MICU2: variants seen among roughly 807,000 people sequenced by gnomAD.
MICU2 encodes calcium uptake protein 2, mitochondrial.
Under a neutral mutation model 60.4 loss-of-function variants are expected in MICU2, and 64 were observed. That is an observed-to-expected ratio of 1.06 (90% confidence interval 0.87 to 1.31). MICU2 has a LOEUF of 1.31. MICU2 is among the 50% of genes most tolerant of loss of function. The pLI, the probability that MICU2 is intolerant of heterozygous loss-of-function variation, is 0.00. For missense variants in MICU2, 569 were observed against 531.0 expected (o/e 1.07, Z -0.70); for synonymous variants, 201 against 175.0 (o/e 1.15, Z -1.17).
At chr13:21,532,778 T>C (rs1436543310) in intron 4 of MICU2, among the ~76,000 whole-genome samples, 1 of 152,134 alleles carries the variant, frequency 6.6e-6, no homozygotes, top group African/African-American at 2.4e-5. Flanking sequence ...AGGTCACTGG[T>C]GATCATGACA....
At chr13:21,571,435 C>T (rs1025431220) in intron 1 of MICU2, among the ~76,000 whole-genome samples, 6 of 152,154 alleles carry the variant, frequency 3.9e-5, no homozygotes, top group African/African-American at 2.4e-5. Flanking sequence ...CGGGGGCTCA[C>T]GCCTGTAATC....
chr13:21,574,061 G>C (rs905423232), intron 1 of MICU2, among the ~76,000 whole-genome samples: 2 of 152,236 alleles, frequency 1.3e-5, no homozygotes, highest in Non-Finnish European at 2.9e-5. Context: ...GGACTGGCAG[G>C]AGAAGCAGCT....
chr13:21,530,820 C>T, intron 4 of MICU2: 1 of 726,554 alleles, frequency 1.4e-6, no homozygotes, highest in Non-Finnish European at 2.4e-6. Context: ...GCCAGGCAAG[C>T]CGTGGTGCCC....
intron 2 of MICU2, among the ~76,000 whole-genome samples, chr13:21,542,412 TGTTTGA>T (rs1291998808): frequency 6.6e-6 from 1 of 151,702 alleles, no homozygotes; most frequent in Non-Finnish European, 1.5e-5. Context: ...CTTCTGTTTT[TGTTTGA>T]GTTTGTTTTT....
At chr13:21,526,227 T>G (rs1387057819) in intron 4 of MICU2, among the ~76,000 whole-genome samples, 3 of 150,754 alleles carry the variant, frequency 2.0e-5, no homozygotes, top group Non-Finnish European at 2.9e-5. Context: ...GTGCTAGGAC[T>G]GCAGGTGTGA....
chr13:21,507,758 C>A (rs1886323996), intron 8 of MICU2, among the ~76,000 whole-genome samples: 1 of 151,920 alleles, frequency 6.6e-6, no homozygotes, highest in African/African-American at 2.4e-5. Context: ...TGCCTGCCAC[C>A]TCGCCCGGCT....
At chr13:21,534,358 A>T (rs1344191938) in intron 4 of MICU2, among the ~76,000 whole-genome samples, 1 of 152,064 alleles carries the variant, frequency 6.6e-6, no homozygotes, top group Non-Finnish European at 1.5e-5. Context: ...GGCGTGAGCC[A>T]CCATGTGCAG....
At chr13:21,494,311 C>G (rs1489933451) in intron 11 of MICU2, among the ~76,000 whole-genome samples, 1 of 151,968 alleles carries the variant, frequency 6.6e-6, no homozygotes, top group Non-Finnish European at 1.5e-5. Context: ...TCTTGCCTAC[C>G]TACCAACCAT....
chr13:21,566,733 A>G, intron 2 of MICU2, 64 bp downstream of exon 2: 3 of 1,363,400 alleles, frequency 2.2e-6, no homozygotes, highest in Non-Finnish European at 3.0e-6. Context: ...TCAATCCTGA[A>G]AAACAGGTTT....
intron 8 of MICU2, among the ~76,000 whole-genome samples, chr13:21,507,309 G>A (rs1886313245): frequency 6.6e-6 from 1 of 152,090 alleles, no homozygotes; most frequent in East Asian, 1.9e-4. Flanking sequence ...AAGTTAACAA[G>A]TTAGGGAATC....
intron 7 of MICU2, 106 bp from the exon 8 acceptor site, chr13:21,510,207 GCAA>G (rs949032134): frequency 5.7e-4 from 274 of 482,096 alleles, no homozygotes; most frequent in Non-Finnish European, 6.8e-4. Context: ...TCTTCTTACA[GCAA>G]CAACAACAAC....
At chr13:21,543,285 C>T (rs2138006265) in intron 2 of MICU2, among the ~76,000 whole-genome samples, 1 of 152,246 alleles carries the variant, frequency 6.6e-6, no homozygotes, top group Non-Finnish European at 1.5e-5. Flanking sequence ...GGATGCTCAC[C>T]CCTTTTATTC....
intron 9 of MICU2, among the ~76,000 whole-genome samples, chr13:21,499,205 C>A (rs1886081046): frequency 6.6e-6 from 1 of 152,114 alleles, no homozygotes. Context: ...CCTGCCTCGG[C>A]CTCCCAAAGT....
At position 21,495,202 on chromosome 13, in the gene MICU2, A is replaced by T; in HGVS notation, c.1159T>A (p.Phe387Ile). The change falls in exon 11 of 12, where the codon TTT (phenylalanine) becomes ATT (isoleucine). Residue 387 changes from phenylalanine (F) to isoleucine (I), a missense_variant. By Grantham distance (21) the Phe-to-Ile change is conservative. Coordinates refer to ENST00000382374, the MANE Select transcript of MICU2 (RefSeq NM_152726.3). ...DGDECLSHEE[F>I]LGVLKNRMHR... ...ATTCTGTTTTTTAACACCCCAAGAA[A>T]CTCTTCATGACTAAGACATTCATCA... The T allele has an allele frequency of 1.2e-6, 2 of 1,611,438 alleles. No homozygotes were observed. Among genetic ancestry groups the T allele is most frequent in the Non-Finnish European group, 8.5e-7 (1 of 1,179,000 alleles).
At chr13:21,576,462 T>C (rs1000110671) in intron 1 of MICU2, among the ~76,000 whole-genome samples, 3 of 152,194 alleles carry the variant, frequency 2.0e-5, no homozygotes, top group Non-Finnish European at 4.4e-5. Context: ...ACATTTAGGA[T>C]ATTATATCCT....
intron 1 of MICU2, among the ~76,000 whole-genome samples, chr13:21,591,864 T>C (rs960783574): frequency 1.3e-5 from 2 of 152,078 alleles, no homozygotes; most frequent in South Asian, 2.1e-4. Flanking sequence ...GCTAAGGCAA[T>C]GATAAAGGGG....
intron 1 of MICU2, among the ~76,000 whole-genome samples, chr13:21,600,735 T>A (rs1888794151): frequency 6.6e-6 from 1 of 152,184 alleles, no homozygotes. Context: ...AATATAAATT[T>A]ATATTTTTAT....
chr13:21,575,252 GTAAA>G (rs1888196526), intron 1 of MICU2, among the ~76,000 whole-genome samples: 1 of 152,020 alleles, frequency 6.6e-6, no homozygotes, highest in Non-Finnish European at 1.5e-5. Context: ...ATGCTGATGA[GTAAA>G]TAAACAAGCA....
At chr13:21,592,863 A>C (rs887291928) in intron 1 of MICU2, among the ~76,000 whole-genome samples, 1 of 152,258 alleles carries the variant, frequency 6.6e-6, no homozygotes, top group Non-Finnish European at 1.5e-5. Flanking sequence ...GATGGAACAT[A>C]TCTCAAAATA....
Sources: allele counts gnomAD v4.1 joint callset (sites outside exome capture counted in the v4.1 genomes callset), GRCh38; gene constraint gnomAD v4.1.1; transcripts MANE v1.5; gene names NCBI Gene and HGNC (gene_info 2026-07-23, HGNC 2026-07-21).